The following PEX5L variants were observed in gnomAD, a reference collection of about 807,000 sequenced individuals.
PEX5L encodes the protein PEX5-related protein.
A neutral mutation model predicts 84.0 loss-of-function variants in PEX5L; 30 were observed. The observed-to-expected ratio is 0.36, with a 90% CI of 0.27 to 0.48. The LOEUF is 0.48. PEX5L is among the 20% of genes least tolerant of loss of function. The pLI, the probability that PEX5L is intolerant of heterozygous loss-of-function variation, is 0.99. For missense variants in PEX5L, 533 were observed against 754.6 expected (o/e 0.71, Z 3.44); for synonymous variants, 270 against 283.1 (o/e 0.95, Z 0.46).
intron 7 of PEX5L, among the ~76,000 whole-genome samples, chr3:179,871,052 A>G (rs1750137552): frequency 6.6e-6 from 1 of 151,258 alleles, no homozygotes; most frequent in African/African-American, 2.4e-5. Flanking sequence ...TTGGCTTGAG[A>G]GAGAAGAAAA....
At chr3:179,882,486 C>A (rs575203568) in intron 4 of PEX5L, among the ~76,000 whole-genome samples, 2 of 152,180 alleles carry the variant, frequency 1.3e-5, no homozygotes, top group East Asian at 3.8e-4. Flanking sequence ...TAATTGGTTA[C>A]CCAGCTGATG....
At chr3:179,975,606 C>T (rs1785681400) in intron 1 of PEX5L, among the ~76,000 whole-genome samples, 1 of 152,144 alleles carries the variant, frequency 6.6e-6, no homozygotes, top group Non-Finnish European at 1.5e-5. Context: ...ACATAGTAGA[C>T]ATGAATTTAT....
At chr3:179,895,525 A>G (rs1758973234) in intron 3 of PEX5L, 1 of 152,156 alleles carries the variant, frequency 6.6e-6, no homozygotes, top group African/African-American at 2.4e-5. Flanking sequence ...TTGTTTGCTT[A>G]ATATGGAATG....
At chr3:179,952,697 A>G (rs1779424187) in intron 2 of PEX5L, among the ~76,000 whole-genome samples, 1 of 152,202 alleles carries the variant, frequency 6.6e-6, no homozygotes, top group Non-Finnish European at 1.5e-5. Flanking sequence ...TATAGATTCA[A>G]TGCTATCCCC....
chr3:180,032,915 C>T (rs1159190860), intron 1 of PEX5L, among the ~76,000 whole-genome samples: 2 of 152,054 alleles, frequency 1.3e-5, no homozygotes, highest in Admixed American at 1.3e-4. Flanking sequence ...GGTGGAAGTA[C>T]CCATGATAAA....
intron 1 of PEX5L, among the ~76,000 whole-genome samples, chr3:179,980,828 A>G (rs1455274658): frequency 6.6e-6 from 1 of 152,058 alleles, no homozygotes; most frequent in African/African-American, 2.4e-5. Context: ...GTTCAAGACC[A>G]CCCTGGCCAA....
chr3:179,816,117 A>G (rs1725982609), intron 9 of PEX5L, 113 bp from the exon 10 acceptor site: 1 of 1,012,386 alleles, frequency 9.9e-7, no homozygotes, highest in Non-Finnish European at 1.5e-6. Flanking sequence ...GAGAATGTGG[A>G]GAAACAGGAA....
intron 8 of PEX5L, among the ~76,000 whole-genome samples, chr3:179,825,626 T>C (rs6773893): frequency 0.011 from 1,724 of 152,262 alleles, 34 homozygotes; most frequent in African/African-American, 0.04. Flanking sequence ...AGTTAAATTT[T>C]AAAAAGAAAT....
At position 179,809,496 on chromosome 3, in the gene PEX5L, G is replaced by A. The variant is rs745973382; in HGVS notation, c.1327C>T (p.Arg443Trp). The A allele has an allele frequency of 1.6e-5, 26 of 1,613,800 alleles. No individual in the cohort carries two copies. The highest frequency in any genetic ancestry group is 7.7e-5 in the South Asian group (7 of 91,066). ...SKKGSPGLTR[R>W]MSKSPVDSSV... ...CTATCAACTGGGGACTTAGACATCC[G>A]CCGGGTGAGGCCTGGAGATCCCTTC... Residue 443 changes from arginine (R) to tryptophan (W), a missense_variant, in exon 12 of 15, where the codon CGG becomes TGG. Arg to Trp is a moderately radical substitution (Grantham distance 101). Transcript: ENST00000467460.
chr3:179,821,749 G>A (rs111338500), intron 8 of PEX5L, among the ~76,000 whole-genome samples: 3 of 152,296 alleles, frequency 2.0e-5, no homozygotes, highest in African/African-American at 7.2e-5. Flanking sequence ...ATTTTTAATG[G>A]CTTTTTCTAG....
chr3:179,912,247 G>A (rs1240609560), intron 2 of PEX5L, among the ~76,000 whole-genome samples: 2 of 151,996 alleles, frequency 1.3e-5, no homozygotes, highest in African/African-American at 4.8e-5. Context: ...TGCTATAAAT[G>A]GACTCCCCAC....
chr3:179,836,968 TCTTA>T (rs960482208), intron 8 of PEX5L, among the ~76,000 whole-genome samples: 41 of 152,304 alleles, frequency 2.7e-4, no homozygotes, highest in African/African-American at 9.4e-4. Flanking sequence ...AAAAAATTAG[TCTTA>T]CTTTGATTAT....
At chr3:179,822,160 T>C (rs1167517377) in intron 8 of PEX5L, among the ~76,000 whole-genome samples, 1 of 152,230 alleles carries the variant, frequency 6.6e-6, no homozygotes, top group Non-Finnish European at 1.5e-5. Flanking sequence ...GTTTGCTGAC[T>C]TTCCCAGACT....
At chr3:179,999,327 T>C (rs1345571860) in intron 1 of PEX5L, among the ~76,000 whole-genome samples, 1 of 152,190 alleles carries the variant, frequency 6.6e-6, no homozygotes, top group Admixed American at 6.5e-5. Context: ...TGACCTGTTC[T>C]ATGGACACCA....
intron 8 of PEX5L, among the ~76,000 whole-genome samples, chr3:179,846,154 A>C (rs1368882238): frequency 1.3e-5 from 2 of 152,130 alleles, no homozygotes; most frequent in Non-Finnish European, 2.9e-5. Context: ...TGGGTGACAG[A>C]GAGAGACTCT....
chr3:179,823,197 G>A (rs1465494857), intron 8 of PEX5L, among the ~76,000 whole-genome samples: 1 of 152,170 alleles, frequency 6.6e-6, no homozygotes, highest in East Asian at 1.9e-4. Flanking sequence ...TTCATCTGCT[G>A]TAAAAACATA....
chr3:180,032,086 A>G (rs1791515972), intron 1 of PEX5L, among the ~76,000 whole-genome samples: 1 of 152,212 alleles, frequency 6.6e-6, no homozygotes, highest in African/African-American at 2.4e-5. Flanking sequence ...TACCACAACT[A>G]TTATAACTTT....
At chr3:179,955,478 C>CT (rs397967053) in intron 2 of PEX5L, among the ~76,000 whole-genome samples, 18,387 of 52,856 alleles carry the variant, frequency 0.35, 2,016 homozygotes, top group Non-Finnish European at 0.45. Context: ...CTGCTATGCT[C>CT]TTTTTTTTTT....
chr3:179,819,560 A>T (rs1213034520), intron 9 of PEX5L, among the ~76,000 whole-genome samples: 1 of 152,096 alleles, frequency 6.6e-6, no homozygotes, highest in African/African-American at 2.4e-5. Flanking sequence ...GTTCCAACCC[A>T]CCCTCAGTGT....
Sources: gnomAD v4.1 joint callset for allele counts (sites outside exome capture counted in the v4.1 genomes callset) on GRCh38, gnomAD v4.1.1 for gene constraint, MANE v1.5 for transcripts, NCBI Gene and HGNC (gene_info 2026-07-23, HGNC 2026-07-21) for gene names.